Variants in PDE10A observed in about 807,000 individuals in gnomAD.
The protein encoded by PDE10A is cAMP and cAMP-inhibited cGMP 3',5'-cyclic phosphodiesterase 10A.
A neutral mutation model predicts 97.7 loss-of-function variants in PDE10A; 39 were observed. That is an observed-to-expected ratio of 0.40 (90% CI 0.31 to 0.52). The LOEUF (loss-of-function observed/expected upper bound fraction) is 0.52, where lower values mean the gene tolerates loss of function less well. Among genes scored for constraint, PDE10A ranks in the 20% least tolerant of loss-of-function variants. The pLI is 0.56. For missense variants in PDE10A, 731 were observed against 1,047.8 expected, an observed-to-expected ratio of 0.70 and a Z score of 4.17; for synonymous variants, 371 against 376.8, an observed-to-expected ratio of 0.98 and a Z score of 0.18.
intron 1 of PDE10A, among the ~76,000 whole-genome samples, chr6:165,546,944 T>C (rs139999420): frequency 2.6e-5 from 4 of 152,220 alleles, no homozygotes; most frequent in Admixed American, 6.5e-5. Context: ...CCCGGTATAA[T>C]TGCATACATA....
At chr6:165,804,843 C>G (rs2128466161) in intron 1 of PDE10A, among the ~76,000 whole-genome samples, 1 of 151,822 alleles carries the variant, frequency 6.6e-6, no homozygotes, top group East Asian at 2.0e-4. Context: ...ACAGCTGCAG[C>G]TCCGAAGCTC....
At chr6:165,678,557 C>G (rs181657667) in intron 1 of PDE10A, among the ~76,000 whole-genome samples, 12 of 151,980 alleles carry the variant, frequency 7.9e-5, no homozygotes, top group African/African-American at 2.9e-4. Flanking sequence ...TTGTTAACCC[C>G]GCTCCCTGCT....
intron 1 of PDE10A, among the ~76,000 whole-genome samples, chr6:165,950,971 C>T (rs561558348): frequency 6.6e-6 from 1 of 152,334 alleles, no homozygotes; most frequent in Admixed American, 6.5e-5. Context: ...GGACATTATT[C>T]TTTCCTACAT....
intron 1 of PDE10A, among the ~76,000 whole-genome samples, chr6:165,600,127 C>T (rs1337420196): frequency 6.6e-6 from 1 of 152,312 alleles, no homozygotes; most frequent in African/African-American, 2.4e-5. Flanking sequence ...CAAATCAACA[C>T]TTCCCACCCC....
chr6:165,536,989 C>T (rs899149270), intron 2 of PDE10A, among the ~76,000 whole-genome samples: 2 of 151,964 alleles, frequency 1.3e-5, no homozygotes, highest in Non-Finnish European at 2.9e-5. Flanking sequence ...ATATATCTGT[C>T]CTCCCATGTT....
intron 1 of PDE10A, among the ~76,000 whole-genome samples, chr6:165,898,347 G>A (rs1431001898): frequency 1.3e-5 from 2 of 152,138 alleles, no homozygotes; most frequent in Non-Finnish European, 2.9e-5. Context: ...ACCTGGTATA[G>A]CCTGGTGAGC....
At chr6:165,528,802 C>G (rs1175602569) in intron 2 of PDE10A, among the ~76,000 whole-genome samples, 1 of 152,172 alleles carries the variant, frequency 6.6e-6, no homozygotes. Context: ...ATTGATAGAA[C>G]AGTGGAATGG....
chr6:165,832,020 AG>A (rs1301718129), intron 1 of PDE10A, among the ~76,000 whole-genome samples: 51 of 152,350 alleles, frequency 3.3e-4, no homozygotes, highest in African/African-American at 1.2e-3. Flanking sequence ...GCCAACAGGA[AG>A]TCAGAAGAGA....
chr6:165,795,086 C>T (rs1421821322), intron 1 of PDE10A, among the ~76,000 whole-genome samples: 1 of 152,190 alleles, frequency 6.6e-6, no homozygotes, highest in South Asian at 2.1e-4. Flanking sequence ...TCTGCATCTA[C>T]CTACCCCACT....
intron 2 of PDE10A, among the ~76,000 whole-genome samples, chr6:165,532,259 T>C (rs1254843966): frequency 1.3e-5 from 2 of 151,750 alleles, no homozygotes; most frequent in African/African-American, 4.8e-5. Context: ...CAGCACCACA[T>C]TTATTCTCCC....
At chr6:165,499,024 C>T (rs921118421) in intron 2 of PDE10A, among the ~76,000 whole-genome samples, 2 of 152,188 alleles carry the variant, frequency 1.3e-5, no homozygotes, top group Non-Finnish European at 2.9e-5. Flanking sequence ...TTCTTGGATT[C>T]TGTGAACACT....
chr6:165,635,667 A>C (rs1788841129), intron 1 of PDE10A, among the ~76,000 whole-genome samples: 1 of 152,254 alleles, frequency 6.6e-6, no homozygotes, highest in Admixed American at 6.5e-5. Flanking sequence ...GTTTCAAATA[A>C]GTACTTAAGA....
intron 18 of PDE10A, among the ~76,000 whole-genome samples, chr6:165,358,485 T>C (rs1373925380): frequency 6.7e-6 from 1 of 149,912 alleles, no homozygotes; most frequent in African/African-American, 2.5e-5. Flanking sequence ...AAGATTATTT[T>C]GTACAATTTT....
At chr6:165,379,392 C>G in intron 17 of PDE10A, 26 bp from the exon 18 acceptor site, 1 of 1,568,574 alleles carries the variant, frequency 6.4e-7, no homozygotes, top group Non-Finnish European at 8.7e-7. Context: ...AAATAAAAAC[C>G]ACCAATAACA....
At chr6:165,565,065 T>C (rs1035320196) in intron 1 of PDE10A, among the ~76,000 whole-genome samples, 32 of 152,172 alleles carry the variant, frequency 2.1e-4, no homozygotes, top group Admixed American at 1.4e-3. Flanking sequence ...AGATATTCCA[T>C]TCATAAAGTA....
chr6:165,504,000 G>C (rs965204984), intron 2 of PDE10A, among the ~76,000 whole-genome samples: 6 of 152,040 alleles, frequency 3.9e-5, no homozygotes, highest in African/African-American at 1.2e-4. Context: ...TCTTTTTTTA[G>C]CACCTGTTAA....
At chr6:165,435,168 T>C in intron 6 of PDE10A, 69 bp downstream of exon 6, 1 of 1,277,118 alleles carries the variant, frequency 7.8e-7, no homozygotes, top group Non-Finnish European at 1.1e-6. Flanking sequence ...AACATCAAAA[T>C]GATATGCCAT....
intron 3 of PDE10A, among the ~76,000 whole-genome samples, chr6:165,451,161 T>A (rs1193796792): frequency 6.6e-6 from 1 of 151,720 alleles, no homozygotes; most frequent in Non-Finnish European, 1.5e-5. Flanking sequence ...ATAGCAAGAG[T>A]TAGGCGCTTG....
intron 1 of PDE10A, among the ~76,000 whole-genome samples, chr6:165,943,732 T>G (rs1226467996): frequency 2.6e-5 from 4 of 152,244 alleles, no homozygotes; most frequent in Non-Finnish European, 1.5e-5. Flanking sequence ...CTTTATTCAG[T>G]GTTTAAATTC....
Sources: allele counts gnomAD v4.1 joint callset (sites outside exome capture counted in the v4.1 genomes callset), GRCh38; gene constraint gnomAD v4.1.1; transcripts MANE v1.5; gene names NCBI Gene and HGNC (gene_info 2026-07-23, HGNC 2026-07-21).